The following ALG9 variants were observed in gnomAD, a reference collection of about 807,000 sequenced individuals.
ALG9 encodes the protein ALG9 alpha-1,2-mannosyltransferase.
ALG9 carries 55 observed loss-of-function variants against 81.8 expected under a neutral mutation model. The ratio of observed to expected loss-of-function variants is 0.67; its 90% CI spans 0.54 to 0.84. The LOEUF is 0.84. Among genes scored for constraint, ALG9 ranks in the 40% least tolerant of loss-of-function variants. The probability of loss-of-function intolerance (pLI) is 0.00; values close to 1 mark genes in which losing one functional copy is unlikely to be tolerated. For missense variants in ALG9, 629 were observed against 745.0 expected (o/e 0.84, Z 1.81); for synonymous variants, 278 against 274.3 (o/e 1.01, Z -0.13).
chr11:111,770,132 G>A, the ALG9 span, among the ~76,000 whole-genome samples: 1 of 152,144 alleles, frequency 6.6e-6, no homozygotes. Context: ...CAGAAAAAAA[G>A]GCTAGTTCAA....
chr11:111,845,493 GC>G (rs1956825394), intron 8 of ALG9: 1 of 152,118 alleles, frequency 6.6e-6, no homozygotes, highest in Non-Finnish European at 1.5e-5. Flanking sequence ...ATGTTCAGAG[GC>G]CCAGGCCTTG....
At chr11:111,797,348 T>C (rs1328476003) in intron 14 of ALG9, among the ~76,000 whole-genome samples, 1 of 152,176 alleles carries the variant, frequency 6.6e-6, no homozygotes, top group East Asian at 1.9e-4. Flanking sequence ...AGAAGACACA[T>C]AGGTGTTCTG....
intron 5 of ALG9, 182 bp from the exon 6 acceptor site, chr11:111,857,919 T>A: frequency 1.4e-6 from 1 of 693,470 alleles, no homozygotes. Context: ...AAAATGAAGT[T>A]CAATGACTCT....
intron 8 of ALG9, among the ~76,000 whole-genome samples, chr11:111,850,182 AC>A (rs1957546462): frequency 6.6e-6 from 1 of 152,200 alleles, no homozygotes; most frequent in Non-Finnish European, 1.5e-5. Flanking sequence ...ATTTGGTATC[AC>A]GAAAATCTCA....
At chr11:111,826,838 A>G (rs1435852828) in intron 13 of ALG9, among the ~76,000 whole-genome samples, 1 of 152,068 alleles carries the variant, frequency 6.6e-6, no homozygotes, top group Non-Finnish European at 1.5e-5. Flanking sequence ...ATCTCCTATT[A>G]GCTAAATTCT....
intron 14 of ALG9, chr11:111,788,451 G>A (rs1555067182): frequency 2.2e-6 from 1 of 454,052 alleles, no homozygotes; most frequent in Non-Finnish European, 4.4e-6. Context: ...CCCAGTCAAG[G>A]AGAAGTTAAT....
the ALG9 span, among the ~76,000 whole-genome samples, chr11:111,773,856 G>A: frequency 6.6e-6 from 1 of 150,610 alleles, no homozygotes; most frequent in Non-Finnish European, 1.5e-5. Flanking sequence ...CTGGGCTCAG[G>A]TGATCCTCCC....
chr11:111,803,565 T>G (rs980541713), intron 14 of ALG9, among the ~76,000 whole-genome samples: 3 of 147,802 alleles, frequency 2.0e-5, no homozygotes, highest in African/African-American at 7.4e-5. Flanking sequence ...AGACTTACTA[T>G]AAAGCTACAA....
chr11:111,833,505 A>C (rs1394089088), intron 13 of ALG9, among the ~76,000 whole-genome samples: 3 of 152,224 alleles, frequency 2.0e-5, no homozygotes, highest in Admixed American at 2.0e-4. Context: ...AGAGGTAAAG[A>C]AAATAGTGAA....
At chr11:111,833,257 A>T (rs1954693060) in intron 13 of ALG9, among the ~76,000 whole-genome samples, 1 of 152,198 alleles carries the variant, frequency 6.6e-6, no homozygotes, top group Admixed American at 6.5e-5. Context: ...CAAGAACTAA[A>T]GAGGTGACAC....
intron 13 of ALG9, among the ~76,000 whole-genome samples, chr11:111,811,865 G>A (rs1555091742): frequency 6.6e-6 from 1 of 152,042 alleles, no homozygotes; most frequent in African/African-American, 2.4e-5. Flanking sequence ...TATTTAATGG[G>A]TATGGGTTTT....
At chr11:111,869,521 G>C (rs1210551958) in intron 2 of ALG9, among the ~76,000 whole-genome samples, 2 of 152,010 alleles carry the variant, frequency 1.3e-5, no homozygotes, top group South Asian at 4.1e-4. Context: ...GGAATAGAAA[G>C]CTACTGTTTT....
chr11:111,791,794 A>T (rs1020501026), intron 14 of ALG9, among the ~76,000 whole-genome samples: 5 of 152,256 alleles, frequency 3.3e-5, no homozygotes, highest in African/African-American at 1.2e-4. Context: ...GTCTCAGCTT[A>T]AAAGTTACCT....
At chr11:111,802,765 A>G (rs1381156971) in intron 14 of ALG9, among the ~76,000 whole-genome samples, 3 of 152,314 alleles carry the variant, frequency 2.0e-5, no homozygotes, top group Non-Finnish European at 4.4e-5. Flanking sequence ...AAGCAACTAC[A>G]TGGCCCCGTT....
At chr11:111,835,032 T>C (rs979646549) in intron 13 of ALG9, among the ~76,000 whole-genome samples, 31 of 152,200 alleles carry the variant, frequency 2.0e-4, no homozygotes, top group Admixed American at 1.8e-3. Context: ...CCTGAGGGTC[T>C]CCATGGAACT....
At chr11:111,773,068 C>T in the ALG9 span, among the ~76,000 whole-genome samples, 8 of 151,504 alleles carry the variant, frequency 5.3e-5, no homozygotes, top group African/African-American at 1.9e-4. Context: ...GAAACTCCCT[C>T]TCTACTTAAA....
At chr11:111,824,181 T>C (rs918048466) in intron 13 of ALG9, among the ~76,000 whole-genome samples, 24 of 152,324 alleles carry the variant, frequency 1.6e-4, no homozygotes, top group Admixed American at 1.6e-3. Context: ...AAAATATCAG[T>C]GTATATAAAA....
chr11:111,865,769 G>A (rs1424464223), intron 3 of ALG9, among the ~76,000 whole-genome samples: 1 of 152,056 alleles, frequency 6.6e-6, no homozygotes, highest in African/African-American at 2.4e-5. Flanking sequence ...TGGAAAGACT[G>A]GAAAGAAATG....
chr11:111,821,347 A>G (rs1407832178), intron 13 of ALG9, among the ~76,000 whole-genome samples: 1 of 152,136 alleles, frequency 6.6e-6, no homozygotes, highest in African/African-American at 2.4e-5. Context: ...CACTGTCCCC[A>G]GAGCAGCACC....
Sources: gnomAD v4.1 joint callset for allele counts (sites outside exome capture counted in the v4.1 genomes callset) on GRCh38, gnomAD v4.1.1 for gene constraint, MANE v1.5 for transcripts, NCBI Gene and HGNC (gene_info 2026-07-23, HGNC 2026-07-21) for gene names.